The following KBTBD11 variants were observed in gnomAD, a reference collection of about 807,000 sequenced individuals.
The protein encoded by KBTBD11 is kelch repeat and BTB domain-containing protein 11.
For missense variants in KBTBD11, 1,390 were observed against 1,001.8 expected (o/e 1.39, Z -5.23); for synonymous variants, 747 against 499.0 (o/e 1.50, Z -6.63).
chr8:1,980,777 T>C (rs1816515068), intron 1 of KBTBD11, among the ~76,000 whole-genome samples: 1 of 152,212 alleles, frequency 6.6e-6, no homozygotes, highest in Non-Finnish European at 1.5e-5. Flanking sequence ...TTCTGTTAAC[T>C]GTCTTTTCTG....
At chr8:1,991,752 G>A (rs1816926428) in intron 1 of KBTBD11, among the ~76,000 whole-genome samples, 1 of 151,930 alleles carries the variant, frequency 6.6e-6, no homozygotes. Context: ...GGCAGAGAAG[G>A]TGCCCACCGG....
intron 1 of KBTBD11, among the ~76,000 whole-genome samples, chr8:1,994,676 A>T (rs1426994032): frequency 6.6e-6 from 1 of 152,156 alleles, no homozygotes; most frequent in African/African-American, 2.4e-5. Context: ...GGCAAAATAG[A>T]CGCCCGCTGC....
intron 1 of KBTBD11, among the ~76,000 whole-genome samples, chr8:1,993,191 C>T (rs972932391): frequency 2.0e-5 from 3 of 152,102 alleles, no homozygotes; most frequent in Non-Finnish European, 2.9e-5. Flanking sequence ...AGGTTATCCA[C>T]CCACCTCAGC....
rs941853305 is a variant in KBTBD11 at position 1,973,913 on chromosome 8, G to A, written c.-931G>A. The A allele has an allele frequency of 2.0e-6, 2 of 982,756 alleles. No homozygotes were observed. Among genetic ancestry groups the A allele is most frequent in the African/African-American group, 1.8e-5 (1 of 56,832 alleles). The allele number at this position is 982,756 out of a possible 1,614,324, so 60.9% of individuals were successfully genotyped here. Reference sequence around the variant, plus strand: ...CCTGGCTGCGCGTCCCGGGCCCGGCGGCTGAAGAGGAGCCGCGGCGAGGTA... The same window carrying A: ...CCTGGCTGCGCGTCCCGGGCCCGGCAGCTGAAGAGGAGCCGCGGCGAGGTA... On this transcript the variant is annotated 5_prime_UTR_variant, in exon 1 of 2. Transcript: ENST00000320248.
chr8:1,985,430 C>T (rs889454627), intron 1 of KBTBD11, among the ~76,000 whole-genome samples: 4 of 152,290 alleles, frequency 2.6e-5, no homozygotes, highest in Admixed American at 2.6e-4. Context: ...GAACACTGGA[C>T]AGTCTCCAGG....
chr8:1,992,051 A>T (rs1313905951), intron 1 of KBTBD11, among the ~76,000 whole-genome samples: 1 of 151,638 alleles, frequency 6.6e-6, no homozygotes, highest in Non-Finnish European at 1.5e-5. Flanking sequence ...TTTCAAACCC[A>T]CCCTCCCTCT....
At chr8:1,978,250 G>T (rs1486217413) in intron 1 of KBTBD11, among the ~76,000 whole-genome samples, 1 of 152,296 alleles carries the variant, frequency 6.6e-6, no homozygotes, top group East Asian at 1.9e-4. Flanking sequence ...CGTGGTGTTT[G>T]GTTTTCTGTT....
rs1817478947 is a variant in KBTBD11 at position 2,003,503 on chromosome 8, T to G, written c.*439T>G. On this transcript the variant is annotated 3_prime_UTR_variant, in exon 2 of 2. Coordinates refer to ENST00000320248, the MANE Select transcript of KBTBD11 (RefSeq NM_014867.3). ...ACGCAGAGAGGGTCACGCCTTTTAT[T>G]TTTGGCTTGAGATTTAAAATTATAA... The G allele has an allele frequency of 5.8e-6, 1 of 173,786 alleles. No individual in the cohort carries two copies. Among genetic ancestry groups the G allele is most frequent in the Admixed American group, 6.5e-5 (1 of 15,450 alleles). 10.8% of individuals were successfully genotyped at this position (173,786 alleles called of 1,614,324 possible).
intron 1 of KBTBD11, among the ~76,000 whole-genome samples, chr8:1,999,046 A>G (rs542082271): frequency 6.6e-6 from 1 of 152,220 alleles, no homozygotes; most frequent in Non-Finnish European, 1.5e-5. Flanking sequence ...CAGAGCTTCA[A>G]GGTTCTCAGA....
chr8:1,986,366 G>A (rs912702202), intron 1 of KBTBD11, among the ~76,000 whole-genome samples: 4 of 152,178 alleles, frequency 2.6e-5, no homozygotes, highest in African/African-American at 7.2e-5. Flanking sequence ...AGAAGTAGGA[G>A]ACGGGTTTCT....
intron 1 of KBTBD11, among the ~76,000 whole-genome samples, chr8:1,997,627 C>T (rs759132832): frequency 6.6e-6 from 1 of 152,244 alleles, no homozygotes; most frequent in Admixed American, 6.5e-5. Flanking sequence ...CCTGATGCAG[C>T]CTTGCTGCTG....
At chr8:1,995,288 C>T (rs762024508) in intron 1 of KBTBD11, among the ~76,000 whole-genome samples, 10 of 151,960 alleles carry the variant, frequency 6.6e-5, no homozygotes, top group Admixed American at 3.9e-4. Flanking sequence ...TTGCTTGAAC[C>T]ACTGTAGGAA....
chr8:1,985,033 G>C (rs1354397639), intron 1 of KBTBD11, among the ~76,000 whole-genome samples: 1 of 152,198 alleles, frequency 6.6e-6, no homozygotes, highest in Non-Finnish European at 1.5e-5. Flanking sequence ...CATGCTCTAA[G>C]GGGCATCCAC....
At position 1,990,521 on chromosome 8, in the gene KBTBD11, G is replaced by A. The variant is rs1457866531; in HGVS notation, c.-908-9764G>A. On this transcript the variant is annotated intron_variant, in intron 1 of 1. Transcript: ENST00000320248. ...CGGGTAGATGCTGCGGGGCCTTGGC[G>A]CCCTGTCCGGGTAGATGCTGCGGGG... Among the ~76,000 whole-genome samples the A allele has an allele frequency of 5.9e-5, 4 of 67,458 alleles. No homozygotes were observed. In the East Asian group the frequency reaches 1.1e-3, roughly 19 times the overall value. 44.3% of individuals were successfully genotyped at this position (67,458 alleles called of 152,430 possible).
intron 1 of KBTBD11, among the ~76,000 whole-genome samples, chr8:1,991,845 G>C (rs529704580): frequency 1.3e-5 from 2 of 152,088 alleles, no homozygotes; most frequent in African/African-American, 4.8e-5. Context: ...TTACAGGGAA[G>C]AGACTCCGAC....
Position 2,002,645 on chromosome 8 carries a change from T to TGCA in KBTBD11, c.1462_1464dup (p.Ser488dup). 6.3e-7 allele frequency: 1 copy of TGCA among 1,578,402 alleles called. No individual in the cohort carries two copies. Among genetic ancestry groups the TGCA allele is most frequent in the East Asian group, 2.3e-5 (1 of 43,184 alleles). ...GCGCGACGAGTGGCAGGAGTGCCCG[T>TGCA]GCAGCAGCAGCCGCGAGCGCTCGGC... On this transcript the variant is annotated inframe_insertion, in exon 2 of 2. Transcript: ENST00000320248. The surrounding 1 kb of genome is among the most constrained non-coding windows in gnomAD (Gnocchi z 4.1).
In KBTBD11 at chr8:2,001,444, C is replaced by T. The variant is rs1167194661; in HGVS notation, c.252C>T (p.Gly84=). 7.4e-7 allele frequency: 1 copy of T among 1,356,160 alleles called. No homozygotes were observed. Among genetic ancestry groups the T allele is most frequent in the African/African-American group, 1.5e-5 (1 of 65,274 alleles). The allele number at this position is 1,356,160 out of a possible 1,614,324, so 84.0% of individuals were successfully genotyped here. The change falls in exon 2 of 2, where the codon GGC becomes GGT. Residue 84 remains glycine, a synonymous_variant. Coordinates refer to ENST00000320248, the MANE Select transcript of KBTBD11 (RefSeq NM_014867.3). The part of the protein sequence containing the change: ...VERQWEAGSA[G]AASPEELASP... ...GGCAGTGGGAGGCCGGCAGCGCGGG[C>T]GCCGCGTCCCCGGAGGAGCTCGCGT...
In KBTBD11 at chr8:2,002,222, C is replaced by G. The variant is rs1345122323; in HGVS notation, c.1030C>G (p.Pro344Ala). Residue 344 changes from proline (P) to alanine (A), a missense_variant, in exon 2 of 2, where the codon CCC (proline) becomes GCC (alanine). Pro to Ala is a conservative substitution (Grantham distance 27). Coordinates refer to ENST00000320248, the MANE Select transcript of KBTBD11 (RefSeq NM_014867.3). This position sits in a 1 kb window ranked among gnomAD's most constrained non-coding sequence, Gnocchi z 4.1. Reference protein sequence around the residue: ...AGEWRELTRLPEGAPARGCGL... With the variant: ...AGEWRELTRLAEGAPARGCGL... Reference sequence around the variant, plus strand: ...AGAGTGGCGCGAGCTGACGCGGCTGCCCGAGGGCGCGCCGGCGCGGGGCTG... The same window carrying G: ...AGAGTGGCGCGAGCTGACGCGGCTGGCCGAGGGCGCGCCGGCGCGGGGCTG... The G allele has an allele frequency of 7.9e-7, 1 of 1,268,564 alleles. No individual in the cohort carries two copies. The highest frequency in any genetic ancestry group is 1.6e-5 in the African/African-American group (1 of 63,292). 78.6% of individuals were successfully genotyped at this position (1,268,564 alleles called of 1,614,324 possible). A position where few individuals can be genotyped will look rare whatever the true frequency, so the allele number is the denominator to read the frequency against.
intron 1 of KBTBD11, chr8:1,974,469 G>T: frequency 1.0e-6 from 1 of 981,204 alleles, no homozygotes; most frequent in Non-Finnish European, 1.2e-6. Context: ...GGGATCGGCT[G>T]TCCGGAGCGA....
Sources: gnomAD v4.1 joint callset for allele counts (sites outside exome capture counted in the v4.1 genomes callset) on GRCh38, gnomAD v4.1.1 for gene constraint, Gnocchi (gnomAD v3.1) non-coding constraint, MANE v1.5 for transcripts, NCBI Gene and HGNC (gene_info 2026-07-23, HGNC 2026-07-21) for gene names.